Variants in ROR1 observed in about 807,000 individuals in gnomAD.
ROR1 encodes the protein ROR family WNT receptor 1, also known as inactive tyrosine-protein kinase transmembrane receptor ROR1.
A neutral mutation model predicts 78.8 loss-of-function variants in ROR1; 19 were observed. That is an observed-to-expected ratio of 0.24 (90% CI 0.17 to 0.35). ROR1 has a LOEUF of 0.35. Among genes scored for constraint, ROR1 ranks in the 10% least tolerant of loss-of-function variants. ROR1 has a pLI of 1.00. For synonymous variants in ROR1, 386 were observed against 433.6 expected (o/e 0.89, Z 1.36); for missense variants, 917 against 1,177.8 (o/e 0.78, Z 3.24).
At chr1:63,983,512 T>C (rs17125918) in intron 1 of ROR1, among the ~76,000 whole-genome samples, 3,870 of 152,222 alleles carry the variant, frequency 0.025, 169 homozygotes, top group African/African-American at 0.089. Flanking sequence ...AGTGAGTCAG[T>C]GTTACTCAGC....
At chr1:63,862,151 G>C (rs1377106122) in intron 1 of ROR1, among the ~76,000 whole-genome samples, 1 of 151,978 alleles carries the variant, frequency 6.6e-6, no homozygotes, top group Non-Finnish European at 1.5e-5. Flanking sequence ...CCAGCACTTT[G>C]GGAGACCGAG....
intron 5 of ROR1, among the ~76,000 whole-genome samples, 163 bp downstream of exon 5, chr1:64,137,659 A>G (rs1649161570): frequency 6.6e-6 from 1 of 152,232 alleles, no homozygotes; most frequent in African/African-American, 2.4e-5. Context: ...TGGAATTTAC[A>G]TTAAAGTAAT....
intron 1 of ROR1, among the ~76,000 whole-genome samples, chr1:63,980,480 C>A (rs532429083): frequency 6.6e-6 from 1 of 152,190 alleles, no homozygotes; most frequent in Non-Finnish European, 1.5e-5. Flanking sequence ...ATTCTCCAAA[C>A]ATCCTGCTTT....
intron 4 of ROR1, among the ~76,000 whole-genome samples, chr1:64,121,528 A>C (rs900321422): frequency 2.6e-5 from 4 of 152,226 alleles, no homozygotes; most frequent in African/African-American, 9.6e-5. Flanking sequence ...TGTTCAATGT[A>C]GTAGACCCAG....
At chr1:63,810,281 T>C (rs1644852591) in intron 1 of ROR1, among the ~76,000 whole-genome samples, 1 of 152,342 alleles carries the variant, frequency 6.6e-6, no homozygotes, top group South Asian at 2.1e-4. Context: ...AAAGATATTT[T>C]TGGGAACATT....
At chr1:64,122,675 A>C (rs1648583043) in intron 4 of ROR1, among the ~76,000 whole-genome samples, 1 of 152,186 alleles carries the variant, frequency 6.6e-6, no homozygotes, top group African/African-American at 2.4e-5. Context: ...CTTAAAGAGC[A>C]CATCTGTCTG....
intron 1 of ROR1, among the ~76,000 whole-genome samples, chr1:63,842,277 C>G (rs552772446): frequency 6.6e-6 from 1 of 152,296 alleles, no homozygotes; most frequent in South Asian, 2.1e-4. Context: ...TCCATAGATG[C>G]TGGCAGAAGG....
intron 2 of ROR1, among the ~76,000 whole-genome samples, chr1:64,014,084 A>G (rs1646498838): frequency 6.6e-6 from 1 of 152,260 alleles, no homozygotes; most frequent in Admixed American, 6.5e-5. Flanking sequence ...CCTCAGGGCC[A>G]GGTCCAAGGA....
intron 2 of ROR1, among the ~76,000 whole-genome samples, chr1:64,018,213 T>C (rs1378164421): frequency 6.6e-6 from 1 of 152,152 alleles, no homozygotes; most frequent in East Asian, 1.9e-4. Context: ...ACTTTCGGAC[T>C]TAAAAGGTCT....
chr1:64,003,765 C>T (rs1351469555), intron 1 of ROR1, among the ~76,000 whole-genome samples: 1 of 152,202 alleles, frequency 6.6e-6, no homozygotes, highest in Non-Finnish European at 1.5e-5. Context: ...AAACAGGCGC[C>T]TTTGGTTGAG....
intron 7 of ROR1, among the ~76,000 whole-genome samples, chr1:64,150,308 G>A (rs1199248891): frequency 6.6e-6 from 1 of 151,808 alleles, no homozygotes; most frequent in Admixed American, 6.6e-5. Context: ...CTGGCCTATT[G>A]CTTTTGTATT....
intron 1 of ROR1, among the ~76,000 whole-genome samples, chr1:63,928,644 G>A (rs949086955): frequency 6.6e-6 from 1 of 152,096 alleles, no homozygotes; most frequent in African/African-American, 2.4e-5. Context: ...TCATGGCTGT[G>A]GTGTTTGAAT....
At chr1:64,020,164 A>G (rs1209701406) in intron 2 of ROR1, among the ~76,000 whole-genome samples, 1 of 152,154 alleles carries the variant, frequency 6.6e-6, no homozygotes, top group Non-Finnish European at 1.5e-5. Flanking sequence ...GAAAGAATAA[A>G]TTGCTGATGC....
chr1:63,874,564 A>G (rs554119260), intron 1 of ROR1, among the ~76,000 whole-genome samples: 1 of 152,260 alleles, frequency 6.6e-6, no homozygotes, highest in African/African-American at 2.4e-5. Context: ...AATTTCATTG[A>G]TGAGTGAGCT....
intron 1 of ROR1, among the ~76,000 whole-genome samples, chr1:63,899,791 A>G (rs958743249): frequency 2.0e-5 from 3 of 151,748 alleles, no homozygotes; most frequent in African/African-American, 7.3e-5. Context: ...TCTAATTTTT[A>G]TGTGCGATTG....
At position 63,995,105 on chromosome 1, in the gene ROR1, T is replaced by C. The variant is rs951625824; in HGVS notation, c.92-14200T>C. ...AATGCCATTTCATTTTGGATGTAGA[T>C]ATTGACACCCGGCAACCAAGTCAAA... On this transcript the variant is annotated intron_variant, in intron 1 of 8. Transcript: ENST00000371079. Among the ~76,000 whole-genome samples, 24 of 152,316 alleles carry C rather than the reference T, an allele frequency of 1.6e-4. 1 individual carries two copies. Among genetic ancestry groups the C allele is most frequent in the African/African-American group, 5.8e-4 (24 of 41,574 alleles).
chr1:63,940,655 C>CAATTTG (rs1645831381), intron 1 of ROR1, among the ~76,000 whole-genome samples: 1 of 151,996 alleles, frequency 6.6e-6, no homozygotes, highest in African/African-American at 2.4e-5. Flanking sequence ...ATTTTGCAAC[C>CAATTTG]CTAGAATTGT....
intron 4 of ROR1, among the ~76,000 whole-genome samples, chr1:64,073,962 G>A (rs1569687087): frequency 6.6e-6 from 1 of 152,220 alleles, no homozygotes; most frequent in East Asian, 1.9e-4. Context: ...TTGCTGCTTG[G>A]CAGTTCTTAA....
At chr1:63,865,978 G>A (rs1645213207) in intron 1 of ROR1, among the ~76,000 whole-genome samples, 1 of 152,130 alleles carries the variant, frequency 6.6e-6, no homozygotes, top group African/African-American at 2.4e-5. Context: ...TCTTGAAGCT[G>A]TTTTAAAGAG....
Sources: gnomAD v4.1 joint callset for allele counts (sites outside exome capture counted in the v4.1 genomes callset) on GRCh38, gnomAD v4.1.1 for gene constraint, MANE v1.5 for transcripts, NCBI Gene and HGNC (gene_info 2026-07-23, HGNC 2026-07-21) for gene names.